The following VGLL4 variants were observed in gnomAD, a reference collection of about 807,000 sequenced individuals.
VGLL4 encodes the protein vestigial like family member 4, also known as transcription cofactor vestigial-like protein 4.
Under a neutral mutation model 21.0 loss-of-function variants are expected in VGLL4, and 7 were observed. The ratio of observed to expected loss-of-function variants is 0.33; its 90% CI spans 0.19 to 0.63. VGLL4 has a LOEUF of 0.63. Ranked by LOEUF, VGLL4 falls within the 20% of genes least tolerant of loss-of-function variation. VGLL4 has a pLI of 0.78. For synonymous variants in VGLL4, 222 were observed against 173.2 expected (o/e 1.28, Z -2.21); for missense variants, 394 against 425.7 (o/e 0.93, Z 0.66).
intron 1 of VGLL4, among the ~76,000 whole-genome samples, chr3:11,615,242 G>A (rs940054031): frequency 6.6e-6 from 1 of 152,146 alleles, no homozygotes. Flanking sequence ...GTTGGGGGAG[G>A]ACTTCATTAA....
chr3:11,559,314 G>A lies in VGLL4; in HGVS notation c.619+18C>T. On this transcript the variant is annotated intron_variant, in intron 4 of 4. Transcript: ENST00000430365. ...CACTAGCACAGCTGTGACAGGTGAG[G>A]AGGCCCGGGACACTCACCGCTCGGT... 1 of 1,520,974 alleles carries A rather than the reference G, an allele frequency of 6.6e-7. No individual in the cohort carries two copies. Among genetic ancestry groups the A allele is most frequent in the Non-Finnish European group, 8.8e-7 (1 of 1,132,102 alleles). The allele number at this position is 1,520,974 out of a possible 1,614,324, so 94.2% of individuals were successfully genotyped here.
At chr3:11,601,753 A>T in intron 2 of VGLL4, 80 bp downstream of exon 2, 1 of 1,464,716 alleles carries the variant, frequency 6.8e-7, no homozygotes, top group Non-Finnish European at 9.4e-7. Context: ...TGATAACATC[A>T]GAATTAGCAC....
chr3:11,628,637 G>T (rs2574707), intron 1 of VGLL4, among the ~76,000 whole-genome samples: 32 of 150,572 alleles, frequency 2.1e-4, no homozygotes, highest in African/African-American at 7.3e-4. Flanking sequence ...TAGCTAACAC[G>T]GTGAAACCCC....
chr3:11,578,744 T>TTTTC (rs1416668770), intron 2 of VGLL4, among the ~76,000 whole-genome samples: 8 of 84,102 alleles, frequency 9.5e-5, no homozygotes, highest in Admixed American at 4.3e-4. Context: ...CTACTGTATA[T>TTTTC]TTTCTTTTTT....
At chr3:11,676,413 A>AAAAAAAAAAAAT (rs2076293282) in intron 2 of VGLL4, among the ~76,000 whole-genome samples, 16 of 46,922 alleles carry the variant, frequency 3.4e-4, no homozygotes, top group African/African-American at 7.5e-4. Context: ...AAAAAAAATA[A>AAAAAAAAAAAAT]AATAATAATA....
At chr3:11,659,326 C>CTTTTTTTTTTTTTTT (rs5846714) in intron 2 of VGLL4, among the ~76,000 whole-genome samples, 4 of 70,824 alleles carry the variant, frequency 5.6e-5, no homozygotes, top group Non-Finnish European at 7.8e-5. Flanking sequence ...TTTTCTTTTT[C>CTTTTTTTTTTTTTTT]TTTTTTTTTT....
At chr3:11,597,970 T>C (rs1205607521) in intron 2 of VGLL4, among the ~76,000 whole-genome samples, 2 of 152,108 alleles carry the variant, frequency 1.3e-5, no homozygotes, top group Non-Finnish European at 2.9e-5. Context: ...TAAGGAAACC[T>C]CTCTTTTTTT....
intron 1 of VGLL4, among the ~76,000 whole-genome samples, chr3:11,630,252 T>C (rs1241127449): frequency 1.3e-5 from 2 of 152,156 alleles, no homozygotes; most frequent in Non-Finnish European, 2.9e-5. Flanking sequence ...CAATAAGTAA[T>C]GAATTACAAG....
rs574730473 is a variant in VGLL4, at chr3:11,565,601, G to A, written c.273-582C>T. 6.6e-6 allele frequency among the ~76,000 whole-genome samples: 1 copy of A among 152,334 alleles called. No individual in the cohort carries two copies. Among genetic ancestry groups the A allele is most frequent in the South Asian group, 2.1e-4 (1 of 4,828 alleles). On this transcript the variant is annotated intron_variant, in intron 2 of 4. Transcript: ENST00000430365. The surrounding 1 kb of genome is among the most constrained non-coding windows in gnomAD (Gnocchi z 4.1). Reference sequence around the variant, plus strand: ...AGCTCAGACTCCCAGCTGACATGTGGTGGCACGTGCTCTGGGGTTCCCGGG... The same window carrying A: ...AGCTCAGACTCCCAGCTGACATGTGATGGCACGTGCTCTGGGGTTCCCGGG...
In VGLL4 at chr3:11,568,495, C is replaced by T. The variant is rs59470253; in HGVS notation, c.273-3476G>A. On this transcript the variant is annotated intron_variant, in intron 2 of 4. Transcript: ENST00000430365. This position sits in a 1 kb window ranked among gnomAD's most constrained non-coding sequence, Gnocchi z 5.9. ...AGGCCCACTAACTGGAAAGACAGTC[C>T]GTGGAACACAGCACAGTGGGCACTA... 3.0e-3 allele frequency: 4,252 copies of T among 1,433,266 alleles called. 109 individuals are homozygous for T. In the African/African-American group the frequency reaches 0.049, roughly 17 times the overall value. 88.8% of individuals were successfully genotyped at this position (1,433,266 alleles called of 1,614,324 possible). A position where few individuals can be genotyped will look rare whatever the true frequency, so the allele number is the denominator to read the frequency against.
chr3:11,709,239 G>C (rs1035695293), intron 1 of VGLL4, among the ~76,000 whole-genome samples: 1 of 151,124 alleles, frequency 6.6e-6, no homozygotes, highest in Non-Finnish European at 1.5e-5. Flanking sequence ...AGTTCAAGAC[G>C]AGCCTGGCCA....
intron 1 of VGLL4, 25 bp from the exon 2 acceptor site, chr3:11,602,047 C>A: frequency 6.6e-7 from 1 of 1,504,146 alleles, no homozygotes; most frequent in South Asian, 1.3e-5. Context: ...ATGATGTAGT[C>A]ACTAAGCAGG....
intron 1 of VGLL4, among the ~76,000 whole-genome samples, chr3:11,638,251 C>T (rs1001640410): frequency 6.6e-6 from 1 of 152,082 alleles, no homozygotes; most frequent in Non-Finnish European, 1.5e-5. Context: ...TACAAGGCCA[C>T]GCAGACAATA....
chr3:11,641,299 T>C (rs1260220256), intron 1 of VGLL4, among the ~76,000 whole-genome samples: 1 of 152,142 alleles, frequency 6.6e-6, no homozygotes, highest in Non-Finnish European at 1.5e-5. Flanking sequence ...GGCATGAAAC[T>C]TGACTGTGCC....
chr3:11,589,772 C>G (rs1409271356), intron 2 of VGLL4, among the ~76,000 whole-genome samples: 1 of 152,192 alleles, frequency 6.6e-6, no homozygotes, highest in Non-Finnish European at 1.5e-5. Context: ...CGCCTTCTTG[C>G]TGTGTCCTTA....
At chr3:11,593,147 A>C (rs1305481516) in intron 2 of VGLL4, among the ~76,000 whole-genome samples, 1 of 152,222 alleles carries the variant, frequency 6.6e-6, no homozygotes, top group East Asian at 1.9e-4. Context: ...ACCTGAAATG[A>C]GGAATTGCTT....
At position 11,667,779 on chromosome 3, in the gene VGLL4, G is replaced by A. The variant is rs188093327; in HGVS notation, c.64+35192C>T. On this transcript the variant is annotated intron_variant, in intron 2 of 5. Transcript: ENST00000273038. The stretch of plus-strand genomic sequence containing the variant: ...TTTCTTTGTTCTACAATTAACAAAC[G>A]TTCCTTACAAATAGAGAACCTTTCT... Among the ~76,000 whole-genome samples, 14 of 145,598 alleles carry A rather than the reference G, an allele frequency of 9.6e-5. No homozygotes were observed. In the East Asian group the frequency reaches 1.4e-3, roughly 15 times the overall value.
At chr3:11,664,581 A>C (rs1284458341) in intron 2 of VGLL4, among the ~76,000 whole-genome samples, 2 of 152,204 alleles carry the variant, frequency 1.3e-5, no homozygotes, top group African/African-American at 2.4e-5. Flanking sequence ...CTGAGAGAAG[A>C]ATCTGGGGAC....
At chr3:11,655,849 A>ATCTCCC (rs1008370548) in intron 2 of VGLL4, among the ~76,000 whole-genome samples, 1 of 152,138 alleles carries the variant, frequency 6.6e-6, no homozygotes, top group Admixed American at 6.5e-5. Context: ...ATGAACGGCC[A>ATCTCCC]TCTCCCTCCC....
Sources: allele counts gnomAD v4.1 joint callset (sites outside exome capture counted in the v4.1 genomes callset), GRCh38; gene constraint gnomAD v4.1.1; non-coding constraint Gnocchi (gnomAD v3.1); transcripts MANE v1.5; gene names NCBI Gene and HGNC (gene_info 2026-07-23, HGNC 2026-07-21).